GUCY1A2: variants seen among roughly 807,000 people sequenced by gnomAD.
The protein encoded by GUCY1A2 is guanylate cyclase soluble subunit alpha-2.
GUCY1A2 carries 27 observed loss-of-function variants against 63.5 expected under a neutral mutation model. That is an observed-to-expected ratio of 0.43 (90% CI 0.31 to 0.59). GUCY1A2 has a LOEUF of 0.59. GUCY1A2 is among the 20% of genes least tolerant of loss of function. GUCY1A2 has a pLI of 0.11. For synonymous variants in GUCY1A2, 364 were observed against 343.5 expected, an observed-to-expected ratio of 1.06 and a Z score of -0.66; for missense variants, 768 against 913.3, an observed-to-expected ratio of 0.84 and a Z score of 2.05.
intron 4 of GUCY1A2, among the ~76,000 whole-genome samples, chr11:106,930,805 C>A (rs151164622): frequency 1.3e-5 from 2 of 152,168 alleles, no homozygotes; most frequent in Admixed American, 6.5e-5. Context: ...CTGGACACAG[C>A]GACCCATGCC....
At chr11:106,968,788 C>G (rs1861158806) in intron 3 of GUCY1A2, among the ~76,000 whole-genome samples, 1 of 1,700 alleles carries the variant, frequency 5.9e-4, no homozygotes, top group Non-Finnish European at 1.1e-3. Context: ...TCTACAACTT[C>G]TTTCTTCATA....
intron 4 of GUCY1A2, among the ~76,000 whole-genome samples, chr11:106,867,922 C>A (rs535831509): frequency 2.0e-5 from 3 of 151,898 alleles, no homozygotes; most frequent in Non-Finnish European, 4.4e-5. Context: ...GACATTTGTT[C>A]CAAATTTATT....
At chr11:106,796,326 T>C (rs1232039571) in intron 5 of GUCY1A2, among the ~76,000 whole-genome samples, 1 of 152,196 alleles carries the variant, frequency 6.6e-6, no homozygotes, top group Non-Finnish European at 1.5e-5. Flanking sequence ...AATATTGTTA[T>C]GTGTGAATTT....
At chr11:107,015,573 A>C (rs1861810572) in intron 1 of GUCY1A2, among the ~76,000 whole-genome samples, 1 of 134,762 alleles carries the variant, frequency 7.4e-6, no homozygotes, top group African/African-American at 3.3e-5. Context: ...AAAAAAAAAA[A>C]AAAAAAAAAA....
At chr11:106,944,771 C>G (rs945438772) in intron 3 of GUCY1A2, among the ~76,000 whole-genome samples, 1 of 152,122 alleles carries the variant, frequency 6.6e-6, no homozygotes, top group Non-Finnish European at 1.5e-5. Flanking sequence ...AATTTTTTCA[C>G]CTAGTAACCA....
intron 4 of GUCY1A2, among the ~76,000 whole-genome samples, chr11:106,905,493 T>C (rs1219591206): frequency 6.6e-6 from 1 of 152,098 alleles, no homozygotes; most frequent in Non-Finnish European, 1.5e-5. Flanking sequence ...TTAAAGTCCT[T>C]ATCTCCAATA....
At chr11:106,819,227 G>A (rs1858869465) in intron 4 of GUCY1A2, among the ~76,000 whole-genome samples, 1 of 152,138 alleles carries the variant, frequency 6.6e-6, no homozygotes, top group South Asian at 2.1e-4. Context: ...TCCTGCTGAA[G>A]ACTCAGTGAA....
intron 4 of GUCY1A2, among the ~76,000 whole-genome samples, chr11:106,938,272 C>T (rs1233913670): frequency 6.6e-6 from 1 of 152,098 alleles, no homozygotes; most frequent in Admixed American, 6.5e-5. Flanking sequence ...TTTTAAAAAA[C>T]TTTCCATTGA....
At chr11:106,702,755 A>G (rs918310840) in intron 7 of GUCY1A2, among the ~76,000 whole-genome samples, 1 of 151,744 alleles carries the variant, frequency 6.6e-6, no homozygotes, top group Non-Finnish European at 1.5e-5. Flanking sequence ...GATTGGGGCT[A>G]TATTTCCAGG....
At chr11:106,934,771 G>A (rs1162132202) in intron 4 of GUCY1A2, among the ~76,000 whole-genome samples, 1 of 152,124 alleles carries the variant, frequency 6.6e-6, no homozygotes, top group Non-Finnish European at 1.5e-5. Flanking sequence ...CTCTGTCGCA[G>A]GGATGATGTA....
chr11:106,798,205 C>G (rs1407750303), intron 5 of GUCY1A2, among the ~76,000 whole-genome samples: 2 of 152,112 alleles, frequency 1.3e-5, no homozygotes, highest in African/African-American at 4.8e-5. Flanking sequence ...CCTCCCAAGA[C>G]TAAACCAGGA....
chr11:106,795,893 A>C (rs1300959293), intron 5 of GUCY1A2, among the ~76,000 whole-genome samples: 1 of 151,780 alleles, frequency 6.6e-6, no homozygotes, highest in African/African-American at 2.4e-5. Context: ...ATAGAATCTA[A>C]TGTTGACAGT....
chr11:106,906,576 C>T (rs948757675), intron 4 of GUCY1A2, among the ~76,000 whole-genome samples: 2 of 152,122 alleles, frequency 1.3e-5, no homozygotes, highest in African/African-American at 2.4e-5. Context: ...CCCAGAAATC[C>T]GGTTACTGGG....
intron 4 of GUCY1A2, among the ~76,000 whole-genome samples, chr11:106,911,424 T>C (rs958685537): frequency 9.2e-5 from 14 of 152,118 alleles, no homozygotes; most frequent in African/African-American, 1.9e-4. Context: ...CTAATTTGTA[T>C]TGAAGGCTCT....
chr11:106,745,805 C>T (rs769206430), intron 6 of GUCY1A2, among the ~76,000 whole-genome samples: 23 of 152,202 alleles, frequency 1.5e-4, no homozygotes, highest in Non-Finnish European at 3.1e-4. Flanking sequence ...ATTCTTCAAA[C>T]ATTTCTTAAA....
intron 4 of GUCY1A2, among the ~76,000 whole-genome samples, chr11:106,930,096 C>T (rs1249320336): frequency 6.6e-6 from 1 of 151,946 alleles, no homozygotes; most frequent in Non-Finnish European, 1.5e-5. Flanking sequence ...ATGAGAAAAA[C>T]AACTAAGGGA....
At chr11:106,977,781 G>A (rs1194260055) in intron 3 of GUCY1A2, among the ~76,000 whole-genome samples, 31 of 152,118 alleles carry the variant, frequency 2.0e-4, no homozygotes, top group Non-Finnish European at 5.9e-5. Flanking sequence ...TCTGTGTGGA[G>A]TCGCTCACTA....
At chr11:106,725,876 T>C (rs1180187460) in intron 6 of GUCY1A2, among the ~76,000 whole-genome samples, 2 of 152,016 alleles carry the variant, frequency 1.3e-5, no homozygotes, top group African/African-American at 4.8e-5. Context: ...TCTTTTTTTT[T>C]TTCCCTCCTT....
At chr11:106,687,807 A>G in intron 7 of GUCY1A2, 51 bp from the exon 8 acceptor site, 1 of 1,221,860 alleles carries the variant, frequency 8.2e-7, no homozygotes, top group Non-Finnish European at 1.2e-6. Context: ...GGAAATGTAA[A>G]TACATGGACA....
Sources: allele counts gnomAD v4.1 joint callset (sites outside exome capture counted in the v4.1 genomes callset), GRCh38; gene constraint gnomAD v4.1.1; transcripts MANE v1.5; gene names NCBI Gene and HGNC (gene_info 2026-07-23, HGNC 2026-07-21).